RYR3: variants seen among roughly 807,000 people sequenced by gnomAD.
RYR3 encodes ryanodine receptor 3.
In RYR3, 207 loss-of-function variants were observed where a neutral mutation model predicts 584.3. The observed-to-expected ratio is 0.35, with a 90% confidence interval of 0.32 to 0.40. The LOEUF (loss-of-function observed/expected upper bound fraction) is 0.40. RYR3 is among the 10% of genes least tolerant of loss of function. RYR3 has a pLI of 1.00. For synonymous variants in RYR3, 2,416 were observed against 2,248.5 expected (o/e 1.07, Z -2.11); for missense variants, 5,616 against 6,089.2 (o/e 0.92, Z 2.59).
intron 42 of RYR3, among the ~76,000 whole-genome samples, chr15:33,706,544 C>T (rs903611556): frequency 5.9e-5 from 9 of 152,178 alleles, no homozygotes; most frequent in African/African-American, 2.2e-4. Flanking sequence ...ATGTTCTTCA[C>T]GTTGTAGCAT....
At chr15:33,428,788 C>T (rs2044871282) in intron 1 of RYR3, among the ~76,000 whole-genome samples, 3 of 152,010 alleles carry the variant, frequency 2.0e-5, no homozygotes, top group African/African-American at 7.3e-5. Flanking sequence ...TCAGGGGATA[C>T]ATGTTAGTGA....
chr15:33,626,690 G>A (rs950616099), intron 20 of RYR3, among the ~76,000 whole-genome samples: 6 of 152,098 alleles, frequency 3.9e-5, no homozygotes, highest in African/African-American at 1.4e-4. Flanking sequence ...CTAGGAACTT[G>A]GTGCCCTGTG....
intron 81 of RYR3, 24 bp downstream of exon 81, chr15:33,823,096 G>A: frequency 1.3e-6 from 2 of 1,599,106 alleles, no homozygotes; most frequent in Non-Finnish European, 1.7e-6. Context: ...AACTACCATA[G>A]CATTTAAAAA....
chr15:33,570,930 A>G (rs1402474626), intron 12 of RYR3, among the ~76,000 whole-genome samples: 16 of 152,126 alleles, frequency 1.1e-4, no homozygotes, highest in Admixed American at 1.0e-3. Context: ...ACCTAATTGA[A>G]ATTATTTATT....
At chr15:33,473,873 G>A (rs2142234337) in intron 2 of RYR3, among the ~76,000 whole-genome samples, 1 of 152,272 alleles carries the variant, frequency 6.6e-6, no homozygotes, top group South Asian at 2.1e-4. Flanking sequence ...AGAAATCTGA[G>A]TGTGTGTTCT....
intron 19 of RYR3, 58 bp from the exon 20 acceptor site, chr15:33,623,749 A>G (rs2060843137): frequency 7.9e-7 from 1 of 1,270,262 alleles, no homozygotes. Flanking sequence ...ATTTTCACTT[A>G]TTTGGGCTGC....
chr15:33,535,749 G>A (rs967085929), intron 5 of RYR3, among the ~76,000 whole-genome samples: 6 of 152,140 alleles, frequency 3.9e-5, no homozygotes, highest in African/African-American at 1.4e-4. Context: ...AAAATAAAGG[G>A]AAACAACAGC....
chr15:33,469,342 T>TA (rs1338798607), intron 1 of RYR3, among the ~76,000 whole-genome samples: 1 of 152,132 alleles, frequency 6.6e-6, no homozygotes, highest in Non-Finnish European at 1.5e-5. Flanking sequence ...AAACCTCAGA[T>TA]ACTAGTTCAG....
chr15:33,321,845 G>T (rs1969009105), intron 1 of RYR3, among the ~76,000 whole-genome samples: 2 of 152,194 alleles, frequency 1.3e-5, no homozygotes. Flanking sequence ...GTTGTAAATA[G>T]AAAAGTGAAC....
chr15:33,361,776 G>A (rs1241215586), intron 1 of RYR3, among the ~76,000 whole-genome samples: 2 of 152,236 alleles, frequency 1.3e-5, no homozygotes, highest in Non-Finnish European at 2.9e-5. Context: ...GGAGTAGCTG[G>A]TGGTGTGTTG....
intron 85 of RYR3, among the ~76,000 whole-genome samples, chr15:33,827,670 G>A (rs2077450305): frequency 6.6e-6 from 1 of 152,182 alleles, no homozygotes; most frequent in Admixed American, 6.5e-5. Flanking sequence ...GAGTTTACAA[G>A]TTCGTGTTGA....
intron 1 of RYR3, among the ~76,000 whole-genome samples, chr15:33,451,314 T>G (rs2047108445): frequency 6.6e-6 from 1 of 152,144 alleles, no homozygotes; most frequent in Non-Finnish European, 1.5e-5. Context: ...TCTCTACCCC[T>G]TCCCCACTTA....
chr15:33,769,777 A>G (rs1206511859), intron 62 of RYR3, among the ~76,000 whole-genome samples: 1 of 151,774 alleles, frequency 6.6e-6, no homozygotes, highest in Non-Finnish European at 1.5e-5. Flanking sequence ...AACATGGTGA[A>G]ACATCTACAG....
intron 67 of RYR3, among the ~76,000 whole-genome samples, chr15:33,795,495 A>G (rs142574382): frequency 0.01 from 1,520 of 147,950 alleles, 21 homozygotes; most frequent in African/African-American, 0.036. Context: ...CCTGGGTTCA[A>G]GCGATTCTCC....
intron 1 of RYR3, among the ~76,000 whole-genome samples, chr15:33,399,783 A>G (rs565131180): frequency 1.6e-4 from 25 of 152,334 alleles, no homozygotes; most frequent in Non-Finnish European, 2.6e-4. Flanking sequence ...ATCTATATCT[A>G]TAGTTATAGC....
At chr15:33,778,028 G>A (rs2074125244) in intron 64 of RYR3, among the ~76,000 whole-genome samples, 1 of 152,066 alleles carries the variant, frequency 6.6e-6, no homozygotes, top group African/African-American at 2.4e-5. Flanking sequence ...AAATTAGTCG[G>A]GTGTGGTGGT....
At chr15:33,670,671 C>A in intron 38 of RYR3, 115 bp downstream of exon 38, 1 of 1,071,752 alleles carries the variant, frequency 9.3e-7, no homozygotes, top group Non-Finnish European at 1.3e-6. Context: ...AAGAAAGCAT[C>A]TGGGCAGTAT....
At chr15:33,404,585 G>GTTTTTTTTTTTT (rs200311525) in intron 1 of RYR3, among the ~76,000 whole-genome samples, 2 of 127,778 alleles carry the variant, frequency 1.6e-5, no homozygotes, top group Non-Finnish European at 3.1e-5. Flanking sequence ...ATTTACTACT[G>GTTTTTTTTTTTT]TGTGTTTTTT....
intron 18 of RYR3, among the ~76,000 whole-genome samples, chr15:33,608,500 C>T (rs1004954361): frequency 2.0e-5 from 3 of 152,238 alleles, no homozygotes; most frequent in African/African-American, 7.2e-5. Flanking sequence ...CTTCATACTA[C>T]TCACATTTTA....
Sources: gnomAD v4.1 joint callset for allele counts (sites outside exome capture counted in the v4.1 genomes callset) on GRCh38, gnomAD v4.1.1 for gene constraint, MANE v1.5 for transcripts, NCBI Gene and HGNC (gene_info 2026-07-23, HGNC 2026-07-21) for gene names.